The following MIDEAS variants were observed in gnomAD, a reference collection of about 807,000 sequenced individuals.
The protein encoded by MIDEAS is mitotic deacetylase-associated SANT domain protein.
Under a neutral mutation model 102.7 loss-of-function variants are expected in MIDEAS, and 26 were observed. The observed-to-expected ratio is 0.25, with a 90% CI of 0.19 to 0.35. The LOEUF is 0.35. MIDEAS is among the 10% of genes least tolerant of loss of function. The pLI, the probability that MIDEAS is intolerant of heterozygous loss-of-function variation, is 1.00. For missense variants in MIDEAS, 1,231 were observed against 1,435.6 expected, an observed-to-expected ratio of 0.86 and a Z score of 2.30; for synonymous variants, 585 against 591.0, an observed-to-expected ratio of 0.99 and a Z score of 0.15.
intron 7 of MIDEAS, 91 bp from the exon 8 acceptor site, chr14:73,726,199 G>A (rs2053058629): frequency 9.6e-7 from 1 of 1,039,284 alleles, no homozygotes; most frequent in Middle Eastern, 2.0e-4. Flanking sequence ...CCCGAGTAGG[G>A]TGGACACTTA....
At chr14:73,726,212 C>T in intron 7 of MIDEAS, 104 bp from the exon 8 acceptor site, 1 of 939,750 alleles carries the variant, frequency 1.1e-6, no homozygotes, top group Non-Finnish European at 1.7e-6. Context: ...GACACTTACT[C>T]TTGCCCCCTT....
rs2053524885 is a variant in MIDEAS at position 73,759,180 on chromosome 14, T to C, written c.-248+583A>G. On this transcript the variant is annotated intron_variant, in intron 1 of 12. Transcript: ENST00000423556. The surrounding 1 kb of genome is among the most constrained non-coding windows in gnomAD (Gnocchi z 6.7). ...ATTTGCCCCAGTTCCCCAACGCCCCTGCACCTCTGTCCCCCAAACTCCTGG... is the reference window on the plus strand; with the variant it reads ...ATTTGCCCCAGTTCCCCAACGCCCCCGCACCTCTGTCCCCCAAACTCCTGG... Among the ~76,000 whole-genome samples the C allele has an allele frequency of 6.6e-6, 1 of 152,118 alleles. No homozygotes were observed. The highest frequency in any genetic ancestry group is 2.4e-5 in the African/African-American group (1 of 41,438).
chr14:73,727,360 G>GC (rs200723640), intron 5 of MIDEAS, 98 bp downstream of exon 5: 38,779 of 1,274,286 alleles, frequency 0.03, 729 homozygotes, highest in Middle Eastern at 0.053. Context: ...CCCTCTGCAG[G>GC]CCCCACGGAA....
intron 5 of MIDEAS, 195 bp downstream of exon 5, chr14:73,727,263 T>G (rs1022397719): frequency 2.7e-5 from 18 of 659,668 alleles, no homozygotes; most frequent in Non-Finnish European, 4.4e-5. Context: ...AGCCGGTCCT[T>G]GCCCTTCCCT....
In MIDEAS at chr14:73,756,291, TGTGTGCGCGCGCGC is replaced by T. The variant is rs750397911; in HGVS notation, c.-248+3458_-248+3471del. ...CAGTGTGTGTGTGTGTGTGTGTGTG[TGTGTGCGCGCGCGC>T]GTGCGCGCTGAGGTGGAGGGAGGGT... is the stretch of plus-strand genomic sequence containing the variant. On this transcript the variant is annotated intron_variant, in intron 1 of 12. Transcript: ENST00000423556. 9.5e-3 allele frequency among the ~76,000 whole-genome samples: 718 copies of T among 75,836 alleles called. 5 individuals are homozygous for T. The highest frequency in any genetic ancestry group is 0.045 in the Middle Eastern group (6 of 134). 49.8% of individuals were successfully genotyped at this position (75,836 alleles called of 152,430 possible). A position where few individuals can be genotyped will look rare whatever the true frequency, so the allele number is the denominator to read the frequency against.
chr14:73,734,815 GC>G (rs1439022628), intron 3 of MIDEAS, among the ~76,000 whole-genome samples: 7 of 152,158 alleles, frequency 4.6e-5, no homozygotes, highest in Non-Finnish European at 8.8e-5. Flanking sequence ...TTTCTGTAGG[GC>G]TTAGTTCTCT....
chr14:73,727,581 A>G lies in MIDEAS; in HGVS notation c.2096-57T>C, dbSNP rs547889910. On this transcript the variant is annotated intron_variant, in intron 4 of 12. Coordinates refer to ENST00000423556, the MANE Select transcript of MIDEAS (RefSeq NM_001367710.1). ...ACCCCCCTTTCAGCAAAGCACCCCCAATCCTAGTGGCTGCCCTGTATGTGC... is the reference window on the plus strand; with the variant it reads ...ACCCCCCTTTCAGCAAAGCACCCCCGATCCTAGTGGCTGCCCTGTATGTGC... 5.3e-6 allele frequency: 8 copies of G among 1,500,700 alleles called. No homozygotes were observed. The South Asian group carries it at 1.0e-4, about 19-fold the overall frequency. The allele number at this position is 1,500,700 out of a possible 1,614,324, so 93.0% of individuals were successfully genotyped here. A position where few individuals can be genotyped will look rare whatever the true frequency, so the allele number is the denominator to read the frequency against.
At chr14:73,764,656 C>A (rs994067632), upstream of MIDEAS, among the ~76,000 whole-genome samples, 6 of 152,240 alleles carry the variant, frequency 3.9e-5, no homozygotes, top group Non-Finnish European at 8.8e-5. Flanking sequence ...ACAACCACCC[C>A]AGTCATGAAG....
At chr14:73,761,162 GA>G (rs1427012399), upstream of MIDEAS, among the ~76,000 whole-genome samples, 1 of 152,126 alleles carries the variant, frequency 6.6e-6, no homozygotes. Context: ...TCCTTTGAAA[GA>G]AAAACCACCG....
intron 1 of MIDEAS, among the ~76,000 whole-genome samples, chr14:73,775,607 G>A (rs1002852805): frequency 1.3e-5 from 2 of 152,090 alleles, no homozygotes; most frequent in Admixed American, 1.3e-4. Flanking sequence ...CTTCCTGGGG[G>A]CAGCAGCTTC....
upstream of MIDEAS, among the ~76,000 whole-genome samples, chr14:73,763,580 G>A (rs1334810232): frequency 6.6e-6 from 1 of 152,170 alleles, no homozygotes; most frequent in Non-Finnish European, 1.5e-5. Context: ...AGCACACGTG[G>A]TGTGTTTAAG....
chr14:73,749,513 A>G (rs1344967975), intron 1 of MIDEAS, among the ~76,000 whole-genome samples: 1 of 150,880 alleles, frequency 6.6e-6, no homozygotes, highest in East Asian at 1.9e-4. Flanking sequence ...TCCAGCGTGC[A>G]TGAAAGACCA....
At chr14:73,743,192 C>G (rs918812299) in intron 1 of MIDEAS, among the ~76,000 whole-genome samples, 1 of 152,170 alleles carries the variant, frequency 6.6e-6, no homozygotes, top group African/African-American at 2.4e-5. Flanking sequence ...ACACTCTACA[C>G]CACCTCCAAG....
intron 1 of MIDEAS, among the ~76,000 whole-genome samples, chr14:73,786,046 G>C (rs1474990921): frequency 6.6e-6 from 1 of 152,222 alleles, no homozygotes; most frequent in Non-Finnish European, 1.5e-5. Context: ...CAATCACGCT[G>C]TAATTACAGG....
intron 1 of MIDEAS, among the ~76,000 whole-genome samples, chr14:73,773,547 C>T (rs951828570): frequency 2.6e-5 from 4 of 151,848 alleles, no homozygotes; most frequent in Non-Finnish European, 5.9e-5. Flanking sequence ...TCCAGGGGCC[C>T]GGAACAAACA....
intron 1 of MIDEAS, among the ~76,000 whole-genome samples, chr14:73,758,063 C>G (rs2053506881): frequency 6.6e-6 from 1 of 152,104 alleles, no homozygotes; most frequent in Non-Finnish European, 1.5e-5. Flanking sequence ...TCTTCACCCC[C>G]TTGTCCCCCC....
At chr14:73,720,563 A>T (rs562666481) in intron 11 of MIDEAS, among the ~76,000 whole-genome samples, 3 of 151,052 alleles carry the variant, frequency 2.0e-5, no homozygotes, top group African/African-American at 7.3e-5. Flanking sequence ...ATACATTTCT[A>T]AAAAAAAAGA....
intron 1 of MIDEAS, among the ~76,000 whole-genome samples, chr14:73,746,068 CA>C (rs2053347912): frequency 6.6e-6 from 1 of 152,224 alleles, no homozygotes; most frequent in African/African-American, 2.4e-5. Flanking sequence ...TGAGCTTACA[CA>C]GTAAAAATGC....
chr14:73,764,646 A>G (rs2053579917), upstream of MIDEAS, among the ~76,000 whole-genome samples: 1 of 152,158 alleles, frequency 6.6e-6, no homozygotes, highest in African/African-American at 2.4e-5. Flanking sequence ...CCGCGAGCTC[A>G]CAACCACCCC....
Sources: gnomAD v4.1 joint callset for allele counts (sites outside exome capture counted in the v4.1 genomes callset) on GRCh38, gnomAD v4.1.1 for gene constraint, Gnocchi (gnomAD v3.1) non-coding constraint, MANE v1.5 for transcripts, NCBI Gene and HGNC (gene_info 2026-07-23, HGNC 2026-07-21) for gene names.